Variants in BAK1 observed in about 807,000 individuals in gnomAD.
BAK1 encodes bcl-2 homologous antagonist/killer.
BAK1 carries 19 observed loss-of-function variants against 24.7 expected under a neutral mutation model. That is an observed-to-expected ratio of 0.77 (90% CI 0.54 to 1.13). The LOEUF (loss-of-function observed/expected upper bound fraction) is 1.13, where lower values mean the gene tolerates loss of function less well. Ranked by LOEUF, BAK1 falls within the 50% of genes most tolerant of loss-of-function variation. BAK1 has a pLI of 0.00. For missense variants in BAK1, 194 were observed against 279.4 expected (o/e 0.69, Z 2.18); for synonymous variants, 86 against 107.3 (o/e 0.80, Z 1.23).
chr6:33,576,763 C>G (rs1173579671), intron 2 of BAK1, among the ~76,000 whole-genome samples: 3 of 152,050 alleles, frequency 2.0e-5, no homozygotes, highest in African/African-American at 4.8e-5. Context: ...CCGGCACTTG[C>G]ATTGAGTCCT....
chr6:33,573,575 G>A lies in BAK1; in HGVS notation c.*228C>T. 1 of 580,462 alleles carries A rather than the reference G, an allele frequency of 1.7e-6. No individual in the cohort carries two copies. The highest frequency in any genetic ancestry group is 3.1e-6 in the Non-Finnish European group (1 of 323,734). The allele number at this position is 580,462 out of a possible 1,614,324, so 36.0% of individuals were successfully genotyped here. A position where few individuals can be genotyped will look rare whatever the true frequency, so the allele number is the denominator to read the frequency against. On this transcript the variant is annotated 3_prime_UTR_variant, in exon 6 of 6. Transcript: ENST00000374467. Reference sequence around the variant, plus strand: ...TCCCAGAGAGCTGAGGGAGGAGACGGCCACAGCCCCTGGGCCCAGAGAGAG... The same window carrying A: ...TCCCAGAGAGCTGAGGGAGGAGACGACCACAGCCCCTGGGCCCAGAGAGAG...
At chr6:33,579,125 C>T (rs1190956252) in intron 1 of BAK1, among the ~76,000 whole-genome samples, 1 of 152,186 alleles carries the variant, frequency 6.6e-6, no homozygotes, top group African/African-American at 2.4e-5. Context: ...GGCATAGTGG[C>T]CCACGAGGTC....
At chr6:33,576,030 A>C in intron 2 of BAK1, 102 bp from the exon 3 acceptor site, 1 of 1,517,662 alleles carries the variant, frequency 6.6e-7, no homozygotes, top group South Asian at 1.3e-5. Context: ...GTCCTCACCC[A>C]TGGAAAGAAA....
chr6:33,574,865 T>A (rs1762817304), intron 4 of BAK1, among the ~76,000 whole-genome samples: 1 of 152,162 alleles, frequency 6.6e-6, no homozygotes, highest in Non-Finnish European at 1.5e-5. Context: ...AAATATTCGG[T>A]GTCTTTAACC....
Position 33,577,407 on chromosome 6 carries a change from T to C in BAK1, c.70+128A>G. ...CAGCTCCAGCCTCTGAGCCCGTGGG[T>C]GGGGAAGAGTATTCCCCACCCACAG... On this transcript the variant is annotated intron_variant, in intron 2 of 5. Coordinates refer to ENST00000374467, the MANE Select transcript of BAK1 (RefSeq NM_001188.4). This position sits in a 1 kb window ranked among gnomAD's most constrained non-coding sequence, Gnocchi z 4.6. 1.1e-6 allele frequency: 1 copy of C among 897,140 alleles called. No individual in the cohort carries two copies. The highest frequency in any genetic ancestry group is 1.6e-6 in the Non-Finnish European group (1 of 615,324). 55.6% of individuals were successfully genotyped at this position (897,140 alleles called of 1,614,324 possible).
rs752727667 is a variant in BAK1, at chr6:33,575,768, T to C, written c.206+25A>G. ...GCTACTGCCTCCCTGAAGATGTCCTTGTGGGCCCAGCGGTTGTAGCTCACC... is the reference window on the plus strand; with the variant it reads ...GCTACTGCCTCCCTGAAGATGTCCTCGTGGGCCCAGCGGTTGTAGCTCACC... On this transcript the variant is annotated intron_variant, in intron 3 of 5. Transcript: ENST00000374467. This position sits in a 1 kb window ranked among gnomAD's most constrained non-coding sequence, Gnocchi z 6.3. 36 of 1,609,868 alleles carry C rather than the reference T, an allele frequency of 2.2e-5. No homozygotes were observed. The highest frequency in any genetic ancestry group is 4.4e-4 in the Middle Eastern group (2 of 4,580).
At chr6:33,579,436 C>T (rs1057284566) in intron 1 of BAK1, among the ~76,000 whole-genome samples, 7 of 152,286 alleles carry the variant, frequency 4.6e-5, no homozygotes, top group South Asian at 4.1e-4. Flanking sequence ...CTCCAGGACC[C>T]GGCACCCCCA....
At position 33,575,611 on chromosome 6, in the gene BAK1, G is replaced by A. The variant is rs1297546930; in HGVS notation, c.207-170C>T. On this transcript the variant is annotated intron_variant, in intron 3 of 5. Coordinates refer to ENST00000374467, the MANE Select transcript of BAK1 (RefSeq NM_001188.4). This position sits in a 1 kb window ranked among gnomAD's most constrained non-coding sequence, Gnocchi z 6.3. ...GTGCTGGGCTCCAGGAGAAGGGGCA[G>A]GCATGGGCTAAAAAGGATACAAGGT... 1 of 1,276,010 alleles carries A rather than the reference G, an allele frequency of 7.8e-7. No homozygotes were observed. The highest frequency in any genetic ancestry group is 1.1e-6 in the Non-Finnish European group (1 of 924,318). The allele number at this position is 1,276,010 out of a possible 1,614,324, so 79.0% of individuals were successfully genotyped here.
At chr6:33,574,458 G>GAGAGGGC (rs757510970) in intron 4 of BAK1, 1 of 1,499,100 alleles carries the variant, frequency 6.7e-7, no homozygotes, top group Non-Finnish European at 8.9e-7. Flanking sequence ...ACGGGGCACA[G>GAGAGGGC]AGAGGGCAGA....
intron 4 of BAK1, chr6:33,574,431 G>A: frequency 6.7e-7 from 1 of 1,497,808 alleles, no homozygotes; most frequent in Non-Finnish European, 9.0e-7. Context: ...CACTGCTGGG[G>A]TGTACGCTCA....
Position 33,575,243 on chromosome 6 carries a change from T to C in BAK1, c.350+55A>G. 6.2e-7 allele frequency: 1 copy of C among 1,612,342 alleles called. No individual in the cohort carries two copies. Among genetic ancestry groups the C allele is most frequent in the Non-Finnish European group, 8.5e-7 (1 of 1,178,462 alleles). The stretch of plus-strand genomic sequence containing the variant: ...AGCATCATGCAGGCAGGGTATGGTA[T>C]GGTTGTGACATGACAGAGGAGTGAC... On this transcript the variant is annotated intron_variant, in intron 4 of 5. Transcript: ENST00000374467. This position sits in a 1 kb window ranked among gnomAD's most constrained non-coding sequence, Gnocchi z 6.3.
At position 33,576,549 on chromosome 6, in the gene BAK1, C is replaced by T. The variant is rs1213034560; in HGVS notation, c.71-621G>A. Among the ~76,000 whole-genome samples, 7 of 151,754 alleles carry T rather than the reference C, an allele frequency of 4.6e-5. No homozygotes were observed. The East Asian group carries it at 7.7e-4, about 17-fold the overall frequency. On this transcript the variant is annotated intron_variant, in intron 2 of 5. Coordinates refer to ENST00000374467, the MANE Select transcript of BAK1 (RefSeq NM_001188.4). ...TCGGGAGGCTGAGGCAGGAGAATGG[C>T]GTGAACCCGGGAGTTGGAGCTTGCA...
At chr6:33,574,540 G>A in intron 4 of BAK1, 1 of 1,395,236 alleles carries the variant, frequency 7.2e-7, no homozygotes, top group Non-Finnish European at 9.5e-7. Flanking sequence ...CAGCCCGAGG[G>A]ACAGCAGAGA....
In BAK1 at chr6:33,576,880, G is replaced by A. The variant is rs5745589; in HGVS notation, c.70+655C>T. ...TACAGCCAGAACAAGCCGGGGAACC[G>A]GGACAGTCCCGGGCATTTGGGGTCC... is the stretch of plus-strand genomic sequence containing the variant. On this transcript the variant is annotated intron_variant, in intron 2 of 5. Coordinates refer to ENST00000374467, the MANE Select transcript of BAK1 (RefSeq NM_001188.4). Among the ~76,000 whole-genome samples, 984 of 152,276 alleles carry A rather than the reference G, an allele frequency of 6.5e-3. 4 individuals carry two copies. Among genetic ancestry groups the A allele is most frequent in the South Asian group, 0.022 (104 of 4,830 alleles).
In BAK1 at chr6:33,575,505, A is replaced by G; in HGVS notation, c.207-64T>C. On this transcript the variant is annotated intron_variant, in intron 3 of 5. Transcript: ENST00000374467. This position sits in a 1 kb window ranked among gnomAD's most constrained non-coding sequence, Gnocchi z 6.3. The stretch of plus-strand genomic sequence containing the variant: ...GGCAGTCGGGACCAGGCCCTGGCTC[A>G]TGGCAGAGGGGTTCTGCCTGAGCTG... The G allele has an allele frequency of 6.2e-7, 1 of 1,605,452 alleles. No individual in the cohort carries two copies. The highest frequency in any genetic ancestry group is 1.1e-5 in the South Asian group (1 of 90,694).
Position 33,575,457 on chromosome 6 carries a change from G to A in BAK1, c.207-16C>T. 6.2e-7 allele frequency: 1 copy of A among 1,612,878 alleles called. No individual in the cohort carries two copies. Among genetic ancestry groups the A allele is most frequent in the Non-Finnish European group, 8.5e-7 (1 of 1,180,000 alleles). On this transcript the variant is annotated splice_polypyrimidine_tract_variant and intron_variant, in intron 3 of 5. Transcript: ENST00000374467. The surrounding 1 kb of genome is among the most constrained non-coding windows in gnomAD (Gnocchi z 6.3). ...CCCCATGGTGCTGTAGGAGCAGGAG[G>A]CATGCAGGTGAGCCAGTAACCAGGC... is the stretch of plus-strand genomic sequence containing the variant.
rs772385015 is a variant in BAK1 at position 33,573,907 on chromosome 6, C to T, written c.532G>A (p.Val178Met). The T allele has an allele frequency of 3.1e-6, 5 of 1,614,214 alleles. No individual in the cohort carries two copies. In the South Asian group the frequency reaches 3.3e-5, roughly 11 times the overall value. ...ARWIAQRGGW[V>M]AALNLGNGPI... Reference sequence around the variant, plus strand: ...CCATTGCCCAAGTTCAGGGCTGCCACCTGCCGGGAGAAACAAGGTGGTCAC... The same window carrying T: ...CCATTGCCCAAGTTCAGGGCTGCCATCTGCCGGGAGAAACAAGGTGGTCAC... Residue 178 changes from valine to methionine, a missense_variant and splice_region_variant, in exon 6 of 6, where the codon GTG becomes ATG. By Grantham distance (21) the Val-to-Met change is conservative. Coordinates refer to ENST00000374467, the MANE Select transcript of BAK1 (RefSeq NM_001188.4).
In BAK1 at chr6:33,573,917, G is replaced by A; in HGVS notation, c.532-10C>T. ...AGTTCAGGGCTGCCACCTGCCGGGA[G>A]AAACAAGGTGGTCACAGAGAGGCTA... On this transcript the variant is annotated splice_polypyrimidine_tract_variant and intron_variant, in intron 5 of 5. Transcript: ENST00000374467. 6.2e-7 allele frequency: 1 copy of A among 1,614,174 alleles called. No homozygotes were observed. Among genetic ancestry groups the A allele is most frequent in the Non-Finnish European group, 8.5e-7 (1 of 1,179,982 alleles).
At position 33,575,438 on chromosome 6, in the gene BAK1, G is replaced by A; in HGVS notation, c.210C>T (p.Thr70=). ...MVTLPLQPSS[T]MGQVGRQLAI... ...CGAGCTGCCGTCCCACCTGCCCCAT[G>A]GTGCTGTAGGAGCAGGAGGCATGCA... Residue 70 remains threonine (T), a synonymous_variant, in exon 4 of 6, where the codon ACC becomes ACT. Coordinates refer to ENST00000374467, the MANE Select transcript of BAK1 (RefSeq NM_001188.4). The surrounding 1 kb of genome is among the most constrained non-coding windows in gnomAD (Gnocchi z 6.3). 2.5e-6 allele frequency: 4 copies of A among 1,613,496 alleles called. No individual in the cohort carries two copies. The highest frequency in any genetic ancestry group is 3.4e-6 in the Non-Finnish European group (4 of 1,180,044).
Sources: gnomAD v4.1 joint callset for allele counts (sites outside exome capture counted in the v4.1 genomes callset) on GRCh38, gnomAD v4.1.1 for gene constraint, Gnocchi (gnomAD v3.1) non-coding constraint, MANE v1.5 for transcripts, NCBI Gene and HGNC (gene_info 2026-07-23, HGNC 2026-07-21) for gene names.